Variants in ZNF236 observed in about 807,000 individuals in gnomAD.
The protein encoded by ZNF236 is regulated by glucose.
In ZNF236, 50 loss-of-function variants were observed where a neutral mutation model predicts 191.2. The ratio of observed to expected loss-of-function variants is 0.26; its 90% CI spans 0.21 to 0.33. ZNF236 has a LOEUF of 0.33. ZNF236 is among the 10% of genes least tolerant of loss of function. The pLI is 1.00. For missense variants in ZNF236, 1,754 were observed against 2,374.5 expected (o/e 0.74, Z 5.43); for synonymous variants, 907 against 928.8 (o/e 0.98, Z 0.43).
chr18:76,875,732 C>T lies in ZNF236; in HGVS notation c.840+68C>T, dbSNP rs576908641. ...AGTAGGTATCTTTTGGGTTAATAAA[C>T]GGACCTGAGAAATTCTTTTCCATTT... On this transcript the variant is annotated intron_variant, in intron 6 of 30. Transcript: ENST00000320610. The surrounding 1 kb of genome is among the most constrained non-coding windows in gnomAD (Gnocchi z 4.3). The T allele has an allele frequency of 4.7e-5, 61 of 1,309,428 alleles. No individual in the cohort carries two copies. In the African/African-American group the frequency reaches 5.0e-4, roughly 11 times the overall value. 81.1% of individuals were successfully genotyped at this position (1,309,428 alleles called of 1,614,324 possible). A position where few individuals can be genotyped will look rare whatever the true frequency, so the allele number is the denominator to read the frequency against.
chr18:76,908,364 C>T lies in ZNF236; in HGVS notation c.2342C>T (p.Ser781Leu), dbSNP rs372076275. The T allele has an allele frequency of 4.4e-5, 71 of 1,614,018 alleles. No individual in the cohort carries two copies. The Middle Eastern group carries it at 4.9e-4, about 11-fold the overall frequency. ...CTCCAACAGCATCAGCAGGCAGCCT[C>T]GATAGATGACAGCACTGTAGACCAG... ...QQLQQHQQAA[S>L]IDDSTVDQQS... The change falls in exon 14 of 31, where the codon TCG becomes TTG. Residue 781 changes from serine (S) to leucine (L), a missense_variant. Ser to Leu is a moderately radical substitution (Grantham distance 145). Around this residue, in one of 5 missense-constraint regions of ZNF236, gnomAD observed 641 missense variants for 869.6 expected, o/e 0.74. Coordinates refer to ENST00000320610, the MANE Select transcript of ZNF236 (RefSeq NM_001306089.2).
At chr18:76,953,832 G>A (rs1968463753) in intron 27 of ZNF236, among the ~76,000 whole-genome samples, 1 of 152,184 alleles carries the variant, frequency 6.6e-6, no homozygotes, top group African/African-American at 2.4e-5. Context: ...TTGGATCCGC[G>A]CCCGTTCTTT....
intron 27 of ZNF236, among the ~76,000 whole-genome samples, chr18:76,952,428 G>A (rs776978127): frequency 1.3e-5 from 2 of 152,056 alleles, no homozygotes; most frequent in Non-Finnish European, 2.9e-5. Context: ...CTCTGACCTG[G>A]GCTCTGACCA....
At position 76,968,235 on chromosome 18, in the gene ZNF236, G is replaced by C; in HGVS notation, c.5440G>C (p.Gly1814Arg). ...AACAGGAGCTCTGCAGGAGTCTGCAGGTCACCCGGAGCAGGACGGGGAGGA... is the reference window on the plus strand; with the variant it reads ...AACAGGAGCTCTGCAGGAGTCTGCACGTCACCCGGAGCAGGACGGGGAGGA... ...SYAGALQESA[G>R]HPEQDGEELS... Residue 1814 changes from glycine (G) to arginine (R), a missense_variant, in exon 31 of 31, where the codon GGT becomes CGT. Physicochemically the swap from Gly to Arg is moderately radical, Grantham distance 125. Around this residue, in one of 5 missense-constraint regions of ZNF236, gnomAD observed 606 missense variants for 761.5 expected, o/e 0.80. Coordinates refer to ENST00000320610, the MANE Select transcript of ZNF236 (RefSeq NM_001306089.2). 6.2e-7 allele frequency: 1 copy of C among 1,613,862 alleles called. No homozygotes were observed. Among genetic ancestry groups the C allele is most frequent in the Non-Finnish European group, 8.5e-7 (1 of 1,179,906 alleles).
intron 30 of ZNF236, among the ~76,000 whole-genome samples, chr18:76,963,510 C>T (rs565019755): frequency 6.6e-6 from 1 of 152,274 alleles, no homozygotes; most frequent in East Asian, 1.9e-4. Flanking sequence ...CATCTATGTT[C>T]ATCAGGGATA....
At chr18:76,836,760 G>A (rs1053260644) in intron 1 of ZNF236, among the ~76,000 whole-genome samples, 1 of 151,956 alleles carries the variant, frequency 6.6e-6, no homozygotes, top group East Asian at 1.9e-4. Flanking sequence ...TGTATTTTTA[G>A]TAGAGGCGGG....
In ZNF236 at chr18:76,878,123, A is replaced by G. The variant is rs774606474; in HGVS notation, c.955A>G (p.Ser319Gly). Residue 319 changes from serine to glycine, a missense_variant, in exon 7 of 31, where the codon AGT becomes GGT. By Grantham distance (56) the Ser-to-Gly change is moderately conservative. Coordinates refer to ENST00000320610, the MANE Select transcript of ZNF236 (RefSeq NM_001306089.2). ...TATGGGTGGGCCACAGAATTCAACA[A>G]GTTCTACAGAGACTGCTCATGTTTT... ...MHMGGPQNST[S>G]STETAHVLTA... is the part of the protein sequence containing the mutation. The G allele has an allele frequency of 1.9e-5, 31 of 1,612,382 alleles. 1 individual carries two copies. In the Middle Eastern group the frequency reaches 8.2e-4, roughly 43 times the overall value.
chr18:76,848,415 A>T (rs1014091382), intron 1 of ZNF236, among the ~76,000 whole-genome samples: 6 of 152,128 alleles, frequency 3.9e-5, no homozygotes, highest in Non-Finnish European at 7.4e-5. Flanking sequence ...AAATTATAAC[A>T]CTTGAAGTAT....
intron 1 of ZNF236, among the ~76,000 whole-genome samples, chr18:76,831,310 G>T (rs1309035882): frequency 6.6e-6 from 1 of 152,114 alleles, no homozygotes; most frequent in Non-Finnish European, 1.5e-5. Context: ...CATTCAGTAT[G>T]CAACCTTTCA....
At chr18:76,963,808 G>C (rs1279870549) in intron 30 of ZNF236, among the ~76,000 whole-genome samples, 1 of 152,084 alleles carries the variant, frequency 6.6e-6, no homozygotes, top group African/African-American at 2.4e-5. Context: ...TAGGAGGGTT[G>C]TATCTTTCCA....
chr18:76,881,170 A>G, intron 8 of ZNF236, 114 bp from the exon 9 acceptor site: 5 of 923,930 alleles, frequency 5.4e-6, no homozygotes, highest in Non-Finnish European at 8.1e-6. Context: ...GGAATTGTAG[A>G]TTCTTATTTC....
chr18:76,847,873 A>G (rs565740652), intron 1 of ZNF236, among the ~76,000 whole-genome samples: 1 of 152,378 alleles, frequency 6.6e-6, no homozygotes, highest in South Asian at 2.1e-4. Flanking sequence ...CAGGATGTGA[A>G]TATAGTTAAG....
chr18:76,902,431 G>A (rs1207100547), intron 11 of ZNF236, among the ~76,000 whole-genome samples: 6 of 152,158 alleles, frequency 3.9e-5, no homozygotes, highest in African/African-American at 9.7e-5. Context: ...GTCCTTGACC[G>A]AGAGCAATGT....
At chr18:76,942,634 C>T (rs1293460200) in intron 26 of ZNF236, among the ~76,000 whole-genome samples, 1 of 151,432 alleles carries the variant, frequency 6.6e-6, no homozygotes, top group African/African-American at 2.4e-5. Context: ...GCCTCAGCCT[C>T]CTGAGTAGCT....
chr18:76,829,366 C>T (rs1159025068), intron 1 of ZNF236, among the ~76,000 whole-genome samples: 5 of 148,654 alleles, frequency 3.4e-5, no homozygotes, highest in African/African-American at 9.9e-5. Context: ...CTCGCTCTGT[C>T]GCCCAGGCTG....
intron 3 of ZNF236, among the ~76,000 whole-genome samples, chr18:76,859,858 A>G (rs1029248588): frequency 6.6e-6 from 1 of 152,152 alleles, no homozygotes; most frequent in Non-Finnish European, 1.5e-5. Flanking sequence ...GTCTTCACCA[A>G]AAACATGGGG....
rs772522465 is a variant in ZNF236 at position 76,968,261 on chromosome 18, G to C, written c.5466G>C (p.Glu1822Asp). 6.2e-7 allele frequency: 1 copy of C among 1,612,580 alleles called. No homozygotes were observed. The highest frequency in any genetic ancestry group is 1.1e-5 in the South Asian group (1 of 90,634). Residue 1822 changes from glutamate (E) to aspartate (D), a missense_variant, in exon 31 of 31, where the codon GAG (glutamate) becomes GAC (aspartate). Physicochemically the swap from Glu to Asp is conservative, Grantham distance 45. Transcript: ENST00000320610. ...GTCACCCGGAGCAGGACGGGGAGGA[G>C]CTGAGCCGGACCCTCCACCTGGAGG... ...SAGHPEQDGE[E>D]LSRTLHLEEV... is the part of the protein sequence containing the mutation.
At chr18:76,942,187 C>T (rs2122896579) in intron 26 of ZNF236, among the ~76,000 whole-genome samples, 1 of 152,250 alleles carries the variant, frequency 6.6e-6, no homozygotes, top group Admixed American at 6.5e-5. Flanking sequence ...GACATGTGCT[C>T]CTTGAATTTA....
In ZNF236 at chr18:76,823,772, A is replaced by G. The variant is rs73968213; in HGVS notation, c.55+1110A>G. On this transcript the variant is annotated intron_variant, in intron 1 of 30. Coordinates refer to ENST00000320610, the MANE Select transcript of ZNF236 (RefSeq NM_001306089.2). ...GCTTGAGGAACGGACTTTCCTGCGC[A>G]GGGGGATCGGGGCGCACTCGCCGGT... Among the ~76,000 whole-genome samples, 917 of 152,230 alleles carry G rather than the reference A, an allele frequency of 6.0e-3. 7 individuals are homozygous for G. The highest frequency in any genetic ancestry group is 0.02 in the African/African-American group (849 of 41,548).
Sources: allele counts gnomAD v4.1 joint callset (sites outside exome capture counted in the v4.1 genomes callset), GRCh38; gene constraint gnomAD v4.1.1; regional missense constraint gnomAD v4.1.1; non-coding constraint Gnocchi (gnomAD v3.1); transcripts MANE v1.5; gene names NCBI Gene and HGNC (gene_info 2026-07-23, HGNC 2026-07-21).